OPCML: variants seen among roughly 807,000 people sequenced by gnomAD.
OPCML encodes the protein opioid binding protein/cell adhesion molecule like.
A neutral mutation model predicts 37.8 loss-of-function variants in OPCML; 13 were observed. The ratio of observed to expected loss-of-function variants is 0.34; its 90% CI spans 0.22 to 0.55. The LOEUF is 0.55. Among genes scored for constraint, OPCML ranks in the 20% least tolerant of loss-of-function variants. OPCML has a pLI of 0.91. For synonymous variants in OPCML, 176 were observed against 168.8 expected, an observed-to-expected ratio of 1.04 and a Z score of -0.33; for missense variants, 341 against 435.6, an observed-to-expected ratio of 0.78 and a Z score of 1.93.
intron 1 of OPCML, among the ~76,000 whole-genome samples, chr11:133,428,916 T>C (rs1378584912): frequency 1.3e-5 from 2 of 152,196 alleles, no homozygotes; most frequent in African/African-American, 4.8e-5. Flanking sequence ...AGAAAGGCCT[T>C]CTACACCAGA....
intron 3 of OPCML, among the ~76,000 whole-genome samples, chr11:132,605,198 T>C (rs1187046299): frequency 1.3e-5 from 2 of 152,164 alleles, no homozygotes; most frequent in Non-Finnish European, 1.5e-5. Flanking sequence ...AGATAATGCA[T>C]GCAAATGCAC....
intron 1 of OPCML, among the ~76,000 whole-genome samples, chr11:133,064,363 C>T (rs952227100): frequency 4.6e-5 from 7 of 152,250 alleles, no homozygotes; most frequent in Non-Finnish European, 5.9e-5. Flanking sequence ...GGCTGAGGCC[C>T]CCGGGCAGAG....
chr11:133,497,472 C>G (rs1201850032), intron 1 of OPCML, among the ~76,000 whole-genome samples: 1 of 152,106 alleles, frequency 6.6e-6, no homozygotes, highest in Non-Finnish European at 1.5e-5. Context: ...TGGTCCCCCC[C>G]GATTCACTTA....
intron 2 of OPCML, among the ~76,000 whole-genome samples, chr11:132,715,857 T>C (rs1203032869): frequency 6.6e-6 from 1 of 152,212 alleles, no homozygotes; most frequent in Non-Finnish European, 1.5e-5. Context: ...TAATGATACC[T>C]ACCTTACAAA....
At chr11:133,018,894 G>A (rs1461448667) in intron 1 of OPCML, among the ~76,000 whole-genome samples, 3 of 152,218 alleles carry the variant, frequency 2.0e-5, no homozygotes, top group African/African-American at 7.2e-5. Flanking sequence ...AAAGCTCTGT[G>A]TGCCGCTCCC....
intron 1 of OPCML, among the ~76,000 whole-genome samples, chr11:133,334,297 G>A (rs1181775276): frequency 6.6e-6 from 1 of 152,136 alleles, no homozygotes; most frequent in Non-Finnish European, 1.5e-5. Context: ...ATACACCATG[G>A]AATATTATGC....
At chr11:133,438,401 A>T (rs1946289433) in intron 1 of OPCML, among the ~76,000 whole-genome samples, 1 of 152,184 alleles carries the variant, frequency 6.6e-6, no homozygotes, top group Non-Finnish European at 1.5e-5. Flanking sequence ...ATGAAAAAAC[A>T]AACAAACAAG....
At chr11:133,184,799 C>T (rs1185831208) in intron 1 of OPCML, among the ~76,000 whole-genome samples, 3 of 152,162 alleles carry the variant, frequency 2.0e-5, no homozygotes, top group Admixed American at 1.3e-4. Context: ...CAGGCAAGAG[C>T]ATTATACAGG....
At chr11:132,657,802 A>T (rs1023250307) in intron 2 of OPCML, among the ~76,000 whole-genome samples, 1 of 152,166 alleles carries the variant, frequency 6.6e-6, no homozygotes, top group Non-Finnish European at 1.5e-5. Flanking sequence ...TAATCTCCTT[A>T]TACCCCTAAG....
At chr11:132,739,972 GTTAT>G (rs961255974) in intron 2 of OPCML, among the ~76,000 whole-genome samples, 1 of 152,116 alleles carries the variant, frequency 6.6e-6, no homozygotes, top group African/African-American at 2.4e-5. Context: ...AAAGGCAGGT[GTTAT>G]TTGATTTGTG....
intron 1 of OPCML, among the ~76,000 whole-genome samples, chr11:133,164,010 G>A (rs893529755): frequency 5.3e-5 from 8 of 152,124 alleles, no homozygotes; most frequent in Non-Finnish European, 1.2e-4. Flanking sequence ...CGTCTTACAC[G>A]CAACATTTCT....
chr11:133,354,121 G>T, intron 1 of OPCML, among the ~76,000 whole-genome samples: 1 of 145,226 alleles, frequency 6.9e-6, no homozygotes, highest in Middle Eastern at 3.2e-3. Context: ...ATTTAAGTCT[G>T]CAGAATCAAA....
At chr11:133,015,174 AGATT>A in intron 1 of OPCML, among the ~76,000 whole-genome samples, 1 of 152,292 alleles carries the variant, frequency 6.6e-6, no homozygotes, top group East Asian at 1.9e-4. Flanking sequence ...GTTGGAAAAT[AGATT>A]GATTGATAGA....
chr11:132,505,770 G>A (rs1220274225), intron 4 of OPCML, among the ~76,000 whole-genome samples: 1 of 151,636 alleles, frequency 6.6e-6, no homozygotes, highest in Non-Finnish European at 1.5e-5. Context: ...GAAAGCAAGA[G>A]AAAGACAAAA....
chr11:133,332,587 G>A (rs963038024), intron 1 of OPCML, among the ~76,000 whole-genome samples: 3 of 152,130 alleles, frequency 2.0e-5, no homozygotes, highest in Non-Finnish European at 2.9e-5. Flanking sequence ...GTATGTCATA[G>A]ATGGCTCTTA....
rs1275498030 is a variant in OPCML at position 132,524,734 on chromosome 11, G to T, written c.505+4327C>A. 2.6e-5 allele frequency among the ~76,000 whole-genome samples: 4 copies of T among 152,164 alleles called. No homozygotes were observed. In the East Asian group the frequency reaches 7.7e-4, roughly 29 times the overall value. ...GGTACACTTTAAGTACTGCCAAGGA[G>T]ATGAGAGGTCGACAGGGCTCCAGCA... is the stretch of plus-strand genomic sequence containing the variant. On this transcript the variant is annotated intron_variant, in intron 4 of 7. Coordinates refer to ENST00000524381, the MANE Select transcript of OPCML (RefSeq NM_001012393.5).
intron 1 of OPCML, among the ~76,000 whole-genome samples, chr11:133,152,489 CT>C (rs1205234801): frequency 6.6e-6 from 1 of 152,074 alleles, no homozygotes; most frequent in Non-Finnish European, 1.5e-5. Context: ...TTGCCGGCCT[CT>C]TTCATACCTC....
At chr11:132,760,334 T>C (rs1946214414) in intron 2 of OPCML, among the ~76,000 whole-genome samples, 2 of 152,146 alleles carry the variant, frequency 1.3e-5, no homozygotes, top group Non-Finnish European at 2.9e-5. Context: ...CAGAGCTGAG[T>C]TCAAGTCCTG....
chr11:132,701,080 A>G (rs1022969064), intron 2 of OPCML, among the ~76,000 whole-genome samples: 1 of 152,166 alleles, frequency 6.6e-6, no homozygotes, highest in Non-Finnish European at 1.5e-5. Context: ...GCTAATAAAG[A>G]CATACCCAAG....
Sources: gnomAD v4.1 joint callset for allele counts (sites outside exome capture counted in the v4.1 genomes callset) on GRCh38, gnomAD v4.1.1 for gene constraint, MANE v1.5 for transcripts, NCBI Gene and HGNC (gene_info 2026-07-23, HGNC 2026-07-21) for gene names.